Variants in RILPL1 observed in about 807,000 individuals in gnomAD.
The protein encoded by RILPL1 is Rab interacting lysosomal protein like 1.
A neutral mutation model predicts 50.3 loss-of-function variants in RILPL1; 33 were observed. That is an observed-to-expected ratio of 0.66 (90% CI 0.50 to 0.88). The LOEUF (loss-of-function observed/expected upper bound fraction) is 0.88, where lower values mean the gene tolerates loss of function less well. Ranked by LOEUF, RILPL1 falls within the 40% of genes least tolerant of loss-of-function variation. The pLI is 0.00. For synonymous variants in RILPL1, 205 were observed against 228.6 expected, an observed-to-expected ratio of 0.90 and a Z score of 0.93; for missense variants, 418 against 542.5, an observed-to-expected ratio of 0.77 and a Z score of 2.28.
chr12:123,512,630 C>G (rs111068582), intron 2 of RILPL1, among the ~76,000 whole-genome samples: 13,057 of 84,406 alleles, frequency 0.15, 1,663 homozygotes, highest in African/African-American at 0.4. Flanking sequence ...GTCTGTGTGT[C>G]GTGTGTGAGG....
chr12:123,525,857 T>C (rs1275802143), intron 1 of RILPL1, among the ~76,000 whole-genome samples: 2 of 151,698 alleles, frequency 1.3e-5, no homozygotes, highest in Non-Finnish European at 2.9e-5. Context: ...AAGTGTACAC[T>C]TTAAATGAGT....
At chr12:123,510,967 C>CTGTA (rs1884106011) in intron 2 of RILPL1, among the ~76,000 whole-genome samples, 1 of 97,894 alleles carries the variant, frequency 1.0e-5, no homozygotes, top group African/African-American at 4.5e-5. Context: ...TGTGTGAGGT[C>CTGTA]TGTGTGTGTG....
intron 6 of RILPL1, among the ~76,000 whole-genome samples, chr12:123,481,995 C>T (rs139185214): frequency 1.1e-3 from 170 of 152,122 alleles, no homozygotes; most frequent in African/African-American, 4.0e-3. Context: ...GCCTCAGCCT[C>T]CTGAGTAGCT....
chr12:123,520,983 G>T (rs936130829), intron 2 of RILPL1, among the ~76,000 whole-genome samples: 1 of 152,160 alleles, frequency 6.6e-6, no homozygotes, highest in Non-Finnish European at 1.5e-5. Flanking sequence ...TTCCTTCAGG[G>T]AGCTGATTTC....
chr12:123,477,261 A>C (rs1282083935), intron 6 of RILPL1, among the ~76,000 whole-genome samples: 2 of 152,008 alleles, frequency 1.3e-5, no homozygotes, highest in East Asian at 3.8e-4. Flanking sequence ...GCGATGTTCC[A>C]GGTGTTTGGA....
chr12:123,526,524 A>G (rs2139390278), intron 1 of RILPL1, among the ~76,000 whole-genome samples: 1 of 152,190 alleles, frequency 6.6e-6, no homozygotes, highest in South Asian at 2.1e-4. Context: ...ACTATAAGTA[A>G]AGCGCCTGGA....
At chr12:123,517,232 C>T (rs1041624726) in intron 2 of RILPL1, among the ~76,000 whole-genome samples, 2 of 152,106 alleles carry the variant, frequency 1.3e-5, no homozygotes, top group African/African-American at 4.8e-5. Flanking sequence ...GGAAGGACTC[C>T]TGCTGAGAGG....
At chr12:123,494,802 C>T (rs1286945228) in intron 4 of RILPL1, among the ~76,000 whole-genome samples, 1 of 152,186 alleles carries the variant, frequency 6.6e-6, no homozygotes, top group East Asian at 1.9e-4. Context: ...CTTCCCTGTC[C>T]TCCAGTGAAA....
intron 2 of RILPL1, among the ~76,000 whole-genome samples, chr12:123,508,914 G>T (rs773996289): frequency 1.3e-5 from 2 of 151,806 alleles, no homozygotes; most frequent in African/African-American, 2.4e-5. Context: ...GGCTGGGCGC[G>T]GTGACTCACA....
Position 123,477,103 on chromosome 12 carries a change from G to A in RILPL1, c.1068-4421C>T, listed in dbSNP as rs181795956. Among the ~76,000 whole-genome samples, 494 of 152,278 alleles carry A rather than the reference G, an allele frequency of 3.2e-3. 1 individual carries two copies. The highest frequency in any genetic ancestry group is 0.011 in the African/African-American group (470 of 41,570). ...ATCAGATATTCTGGTCTAAGCCCAC[G>A]GTAAGTAAATGCTCATCTGTTTCTC... On this transcript the variant is annotated intron_variant, in intron 6 of 6. Coordinates refer to ENST00000376874, the MANE Select transcript of RILPL1 (RefSeq NM_178314.5).
At chr12:123,496,956 C>T (rs1883068431) in intron 4 of RILPL1, among the ~76,000 whole-genome samples, 2 of 152,280 alleles carry the variant, frequency 1.3e-5, no homozygotes. Context: ...CCATTCCTCC[C>T]TCCCCCAGCC....
chr12:123,509,706 C>T (rs949557513), intron 2 of RILPL1, among the ~76,000 whole-genome samples: 3 of 152,208 alleles, frequency 2.0e-5, no homozygotes, highest in Non-Finnish European at 4.4e-5. Context: ...CTAGAGAAGT[C>T]AGACCACAGA....
chr12:123,482,202 T>C (rs1882046797), intron 6 of RILPL1, among the ~76,000 whole-genome samples: 1 of 152,076 alleles, frequency 6.6e-6, no homozygotes, highest in African/African-American at 2.4e-5. Context: ...TTACTTTGAG[T>C]TGAGTTTCAA....
intron 4 of RILPL1, among the ~76,000 whole-genome samples, chr12:123,487,219 A>C (rs752881882): frequency 6.6e-6 from 1 of 152,170 alleles, no homozygotes; most frequent in African/African-American, 2.4e-5. Context: ...ACAGAATCAT[A>C]CATTAAGTGG....
chr12:123,512,071 G>A (rs1252582231), intron 2 of RILPL1, among the ~76,000 whole-genome samples: 6 of 104,614 alleles, frequency 5.7e-5, no homozygotes, highest in Non-Finnish European at 1.0e-4. Context: ...GGTGTGTGAG[G>A]TCTGTGTGTG....
intron 1 of RILPL1, among the ~76,000 whole-genome samples, chr12:123,530,940 G>A (rs1566149446): frequency 6.6e-6 from 1 of 152,096 alleles, no homozygotes; most frequent in African/African-American, 2.4e-5. Context: ...GTAGGGGGAA[G>A]AAAGTGTATG....
chr12:123,500,966 GCT>G lies in RILPL1; in HGVS notation c.461-1432_461-1431del, dbSNP rs374011527. 9.9e-5 allele frequency among the ~76,000 whole-genome samples: 15 copies of G among 151,998 alleles called. No homozygotes were observed. In the East Asian group the frequency reaches 1.9e-3, roughly 20 times the overall value. On this transcript the variant is annotated intron_variant, in intron 2 of 6. Coordinates refer to ENST00000376874, the MANE Select transcript of RILPL1 (RefSeq NM_178314.5). ...AAAAATACAAAAAAAAAATTAGCCGGCTATGGTGGCGGGCACCTGTAATCCCA... is the reference window on the plus strand; with the variant it reads ...AAAAATACAAAAAAAAAATTAGCCGGATGGTGGCGGGCACCTGTAATCCCA...
intron 2 of RILPL1, among the ~76,000 whole-genome samples, chr12:123,501,015 G>A (rs1354723081): frequency 6.6e-6 from 1 of 152,100 alleles, no homozygotes; most frequent in Non-Finnish European, 1.5e-5. Flanking sequence ...GGCTGAGGCA[G>A]GAGAATTGCT....
chr12:123,485,504 A>C lies in RILPL1; in HGVS notation c.974+129T>G. 2 of 847,868 alleles carry C rather than the reference A, an allele frequency of 2.4e-6. No individual in the cohort carries two copies. The highest frequency in any genetic ancestry group is 1.6e-5 in the South Asian group (1 of 61,012). 52.5% of individuals were successfully genotyped at this position (847,868 alleles called of 1,614,324 possible). On this transcript the variant is annotated intron_variant, in intron 5 of 6. Transcript: ENST00000376874. This position sits in a 1 kb window ranked among gnomAD's most constrained non-coding sequence, Gnocchi z 4.0. ...AGCTTGTATGTAAGTTCTTTAGGCC[A>C]GAGAGGGTACCCAAAAAAAACACTG...
Sources: gnomAD v4.1 joint callset for allele counts (sites outside exome capture counted in the v4.1 genomes callset) on GRCh38, gnomAD v4.1.1 for gene constraint, Gnocchi (gnomAD v3.1) non-coding constraint, MANE v1.5 for transcripts, NCBI Gene and HGNC (gene_info 2026-07-23, HGNC 2026-07-21) for gene names.